ARNT2: variants seen among roughly 807,000 people sequenced by gnomAD.
ARNT2 encodes the protein ARNT protein 2.
A neutral mutation model predicts 91.7 loss-of-function variants in ARNT2; 36 were observed. That is an observed-to-expected ratio of 0.39 (90% confidence interval 0.30 to 0.52). The LOEUF is 0.52. ARNT2 is among the 20% of genes least tolerant of loss of function. The pLI is 0.72. For missense variants in ARNT2, 775 were observed against 939.3 expected (o/e 0.83, Z 2.29); for synonymous variants, 365 against 347.1 (o/e 1.05, Z -0.57).
Position 80,404,877 on chromosome 15 carries a change from T to G in ARNT2, c.31+331T>G, listed in dbSNP as rs1286949505. On this transcript the variant is annotated intron_variant, in intron 1 of 18. Coordinates refer to ENST00000303329, the MANE Select transcript of ARNT2 (RefSeq NM_014862.4). The surrounding 1 kb of genome is among the most constrained non-coding windows in gnomAD (Gnocchi z 5.5). ...CCTTTGCCTTCCCCATCCCACGCAT[T>G]TTTCTCTTCCGGTCCCGGCTTTTGT... Among the ~76,000 whole-genome samples the G allele has an allele frequency of 6.6e-6, 1 of 152,114 alleles. No individual in the cohort carries two copies. Among genetic ancestry groups the G allele is most frequent in the Non-Finnish European group, 1.5e-5 (1 of 68,000 alleles).
chr15:80,439,564 A>G (rs1379670751), intron 1 of ARNT2, among the ~76,000 whole-genome samples: 2 of 152,242 alleles, frequency 1.3e-5, no homozygotes, highest in South Asian at 2.1e-4. Flanking sequence ...CTTTGAAATC[A>G]TGATATTTAA....
At chr15:80,428,252 A>G (rs1374243994) in intron 1 of ARNT2, among the ~76,000 whole-genome samples, 1 of 152,258 alleles carries the variant, frequency 6.6e-6, no homozygotes, top group Admixed American at 6.5e-5. Flanking sequence ...GCTCTAGGGA[A>G]ATTATTGAAC....
intron 8 of ARNT2, among the ~76,000 whole-genome samples, chr15:80,532,734 T>C (rs1194059530): frequency 1.3e-5 from 2 of 152,244 alleles, no homozygotes; most frequent in African/African-American, 4.8e-5. Flanking sequence ...ATTATTCTTA[T>C]TTAGATGAGC....
rs570557286 is a variant in ARNT2 at position 80,513,794 on chromosome 15, C to T, written c.726-117C>T. ...ACTTTTGAAGAAAATTGGCTATAGG[C>T]GTCACCTGAATAAATGTGTAAGCAT... On this transcript the variant is annotated intron_variant, in intron 6 of 18. Transcript: ENST00000303329. 49 of 816,748 alleles carry T rather than the reference C, an allele frequency of 6.0e-5. No individual in the cohort carries two copies. The Admixed American group carries it at 7.4e-4, about 12-fold the overall frequency. 50.6% of individuals were successfully genotyped at this position (816,748 alleles called of 1,614,324 possible). A position where few individuals can be genotyped will look rare whatever the true frequency, so the allele number is the denominator to read the frequency against.
intron 5 of ARNT2, among the ~76,000 whole-genome samples, chr15:80,505,612 A>C (rs968385287): frequency 2.6e-5 from 4 of 152,232 alleles, no homozygotes; most frequent in African/African-American, 9.6e-5. Context: ...AGGTAGCTGA[A>C]GCACAGAGGT....
chr15:80,407,981 G>A (rs1895624722), intron 1 of ARNT2, among the ~76,000 whole-genome samples: 1 of 151,778 alleles, frequency 6.6e-6, no homozygotes, highest in South Asian at 2.1e-4. Context: ...ATGAGTATTT[G>A]CAGAGTAATT....
intron 8 of ARNT2, among the ~76,000 whole-genome samples, chr15:80,524,186 A>G (rs1357486695): frequency 1.3e-5 from 2 of 152,256 alleles, no homozygotes; most frequent in Non-Finnish European, 2.9e-5. Flanking sequence ...TCAGAACTGC[A>G]AAGTAAAACA....
intron 1 of ARNT2, among the ~76,000 whole-genome samples, chr15:80,432,754 G>A (rs534305547): frequency 1.3e-5 from 2 of 151,982 alleles, no homozygotes; most frequent in Non-Finnish European, 2.9e-5. Context: ...TAACCAGAAG[G>A]TATGGTCTCA....
rs1898344373 is a variant in ARNT2 at position 80,561,312 on chromosome 15, G to A, written c.1165-1776G>A. Among the ~76,000 whole-genome samples, 4 of 152,122 alleles carry A rather than the reference G, an allele frequency of 2.6e-5. No individual in the cohort carries two copies. The South Asian group carries it at 8.3e-4, about 32-fold the overall frequency. ...CATGGCCCAGAGATTTACCAGCCCT[G>A]ATCTGGGGTCTGCACATGCCTGTGG... On this transcript the variant is annotated intron_variant, in intron 11 of 18. Coordinates refer to ENST00000303329, the MANE Select transcript of ARNT2 (RefSeq NM_014862.4).
intron 12 of ARNT2, among the ~76,000 whole-genome samples, chr15:80,570,980 G>C (rs1898573694): frequency 1.3e-5 from 2 of 152,196 alleles, no homozygotes; most frequent in Non-Finnish European, 2.9e-5. Flanking sequence ...CACACACCAG[G>C]GCCATCAGCA....
At chr15:80,425,727 TG>T (rs1289046953) in intron 1 of ARNT2, among the ~76,000 whole-genome samples, 1 of 151,802 alleles carries the variant, frequency 6.6e-6, no homozygotes, top group African/African-American at 2.4e-5. Flanking sequence ...GTTTTTTTTT[TG>T]TTGTTTGTTT....
rs1232807197 is a variant in ARNT2, at chr15:80,576,942, T to G, written c.1590T>G (p.Ser530=). The G allele has an allele frequency of 6.2e-7, 1 of 1,613,980 alleles. No individual in the cohort carries two copies. The highest frequency in any genetic ancestry group is 1.3e-5 in the African/African-American group (1 of 74,936). Residue 530 remains serine (S), a synonymous_variant, in exon 15 of 19, where the codon TCT becomes TCG. Transcript: ENST00000303329. ...QIYSQGSPFP[S]GHSGKAFSSS... is the part of the protein sequence containing the mutation. The stretch of plus-strand genomic sequence containing the variant: ...ACTCCCAAGGAAGCCCATTTCCCTC[T>G]GGACACTCCGGGAAGGCCTTCAGGT...
chr15:80,561,282 A>T (rs1308853843), intron 11 of ARNT2, among the ~76,000 whole-genome samples: 1 of 152,118 alleles, frequency 6.6e-6, no homozygotes, highest in Admixed American at 6.5e-5. Flanking sequence ...GGCAAACCCG[A>T]CTGCCATGGC....
At position 80,415,415 on chromosome 15, in the gene ARNT2, C is replaced by T. The variant is rs575812056; in HGVS notation, c.31+10869C>T. Among the ~76,000 whole-genome samples, 79 of 152,310 alleles carry T rather than the reference C, an allele frequency of 5.2e-4. 1 individual carries two copies. In the South Asian group the frequency reaches 0.015, roughly 30 times the overall value. On this transcript the variant is annotated intron_variant, in intron 1 of 18. Coordinates refer to ENST00000303329, the MANE Select transcript of ARNT2 (RefSeq NM_014862.4). ...GAGCTTTCCTGTGTGGCAGGAGAGT[C>T]GGCCATTTATTAAATAATAAGTATT...
At chr15:80,447,033 A>T (rs55813707) in intron 1 of ARNT2, among the ~76,000 whole-genome samples, 1 of 152,220 alleles carries the variant, frequency 6.6e-6, no homozygotes, top group Admixed American at 6.5e-5. Flanking sequence ...AAACAAGAAG[A>T]GCTTTTAGGA....
At chr15:80,508,968 A>G (rs973534960) in intron 6 of ARNT2, among the ~76,000 whole-genome samples, 1 of 152,226 alleles carries the variant, frequency 6.6e-6, no homozygotes, top group African/African-American at 2.4e-5. Context: ...GATGGTTGAC[A>G]TGAACTGCAA....
chr15:80,447,670 T>C (rs1370415798), intron 1 of ARNT2, among the ~76,000 whole-genome samples: 1 of 152,202 alleles, frequency 6.6e-6, no homozygotes, highest in African/African-American at 2.4e-5. Context: ...TGCCAGACTT[T>C]TCCAGGGAAG....
chr15:80,533,478 G>T (rs1265752156), intron 8 of ARNT2, among the ~76,000 whole-genome samples: 1 of 152,172 alleles, frequency 6.6e-6, no homozygotes, highest in African/African-American at 2.4e-5. Flanking sequence ...TGGAAAGTTG[G>T]AGTAATGGTG....
At chr15:80,418,745 T>C (rs1895820942) in intron 1 of ARNT2, among the ~76,000 whole-genome samples, 1 of 152,248 alleles carries the variant, frequency 6.6e-6, no homozygotes, top group African/African-American at 2.4e-5. Context: ...GGCTGGCTCC[T>C]TGTACCTCCT....
Sources: allele counts gnomAD v4.1 joint callset (sites outside exome capture counted in the v4.1 genomes callset), GRCh38; gene constraint gnomAD v4.1.1; non-coding constraint Gnocchi (gnomAD v3.1); transcripts MANE v1.5; gene names NCBI Gene and HGNC (gene_info 2026-07-23, HGNC 2026-07-21).